The following THSD4 variants were observed in gnomAD, a reference collection of about 807,000 sequenced individuals.
The protein encoded by THSD4 is thrombospondin type 1 domain containing 4.
In THSD4, 69 loss-of-function variants were observed where a neutral mutation model predicts 119.0. That is an observed-to-expected ratio of 0.58 (90% CI 0.48 to 0.71). The LOEUF is 0.71. Ranked by LOEUF, THSD4 falls within the 30% of genes least tolerant of loss-of-function variation. THSD4 has a pLI of 0.00. For missense variants in THSD4, 1,393 were observed against 1,391.1 expected (o/e 1.00, Z -0.02); for synonymous variants, 524 against 540.4 (o/e 0.97, Z 0.42).
intron 7 of THSD4, among the ~76,000 whole-genome samples, chr15:71,521,721 C>G (rs1041539632): frequency 1.3e-5 from 2 of 152,106 alleles, no homozygotes; most frequent in African/African-American, 2.4e-5. Context: ...TTTTTTGACT[C>G]ACCTGGTGGA....
chr15:71,638,584 ATTC>A (rs1336759972), intron 7 of THSD4, among the ~76,000 whole-genome samples: 1 of 152,198 alleles, frequency 6.6e-6, no homozygotes, highest in Non-Finnish European at 1.5e-5. Flanking sequence ...TTAAAACCTA[ATTC>A]TTCTCATAAT....
intron 15 of THSD4, among the ~76,000 whole-genome samples, chr15:71,762,956 A>G (rs947950739): frequency 3.3e-5 from 5 of 152,142 alleles, no homozygotes; most frequent in Admixed American, 2.0e-4. Flanking sequence ...CTGTAGTCCC[A>G]ACTACTTAGG....
At chr15:71,370,949 G>T (rs2046037892) in intron 6 of THSD4, among the ~76,000 whole-genome samples, 1 of 152,224 alleles carries the variant, frequency 6.6e-6, no homozygotes, top group Non-Finnish European at 1.5e-5. Flanking sequence ...CTTGCTTTAT[G>T]AATCTGGTTG....
intron 1 of THSD4, among the ~76,000 whole-genome samples, chr15:71,108,729 C>T (rs751978139): frequency 3.3e-5 from 5 of 152,170 alleles, no homozygotes; most frequent in Admixed American, 6.5e-5. Flanking sequence ...TGGTAGCTCA[C>T]GCCTGTAATC....
At chr15:71,206,725 T>C (rs2043846715) in intron 3 of THSD4, among the ~76,000 whole-genome samples, 1 of 152,232 alleles carries the variant, frequency 6.6e-6, no homozygotes, top group Non-Finnish European at 1.5e-5. Context: ...CTGGTGGCGA[T>C]GAGAAATTTC....
intron 7 of THSD4, among the ~76,000 whole-genome samples, chr15:71,608,067 C>G (rs1437600814): frequency 1.3e-5 from 2 of 151,622 alleles, no homozygotes; most frequent in Non-Finnish European, 2.9e-5. Flanking sequence ...ACTAAAAATA[C>G]AAAAAATTAG....
intron 1 of THSD4, among the ~76,000 whole-genome samples, chr15:71,125,187 A>G (rs1044850475): frequency 6.6e-6 from 1 of 152,210 alleles, no homozygotes; most frequent in African/African-American, 2.4e-5. Flanking sequence ...AAAAAATTTT[A>G]TACCCTACAC....
chr15:71,339,839 A>C (rs941100069), intron 6 of THSD4, among the ~76,000 whole-genome samples: 2 of 151,890 alleles, frequency 1.3e-5, no homozygotes, highest in Non-Finnish European at 2.9e-5. Flanking sequence ...ATCTCCGCTC[A>C]CTGCAACCTC....
intron 5 of THSD4, among the ~76,000 whole-genome samples, chr15:71,249,940 A>T (rs2044243411): frequency 6.6e-6 from 1 of 152,126 alleles, no homozygotes; most frequent in African/African-American, 2.4e-5. Flanking sequence ...ATTTTCACTT[A>T]TATTTTTGGC....
chr15:71,762,491 C>T (rs7402101), intron 15 of THSD4, among the ~76,000 whole-genome samples: 38,171 of 152,158 alleles, frequency 0.25, 11,749 homozygotes, highest in African/African-American at 0.73. Flanking sequence ...GAAAGTGCAA[C>T]GTCTTAGCCA....
At chr15:71,459,420 C>CTCTCTG (rs2047396043) in intron 7 of THSD4, among the ~76,000 whole-genome samples, 2 of 150,724 alleles carry the variant, frequency 1.3e-5, no homozygotes, top group Non-Finnish European at 3.0e-5. Flanking sequence ...CTCTCTCTCT[C>CTCTCTG]TCTCGTCAAC....
intron 7 of THSD4, among the ~76,000 whole-genome samples, chr15:71,452,906 C>T (rs969187041): frequency 5.9e-5 from 9 of 152,178 alleles, no homozygotes; most frequent in African/African-American, 9.6e-5. Context: ...TGAGCCACTG[C>T]ACCTGGCCAG....
At chr15:71,741,239 G>A (rs918735913) in intron 11 of THSD4, among the ~76,000 whole-genome samples, 1 of 151,988 alleles carries the variant, frequency 6.6e-6, no homozygotes, top group African/African-American at 2.4e-5. Context: ...ACCTGTAATC[G>A]AAGCATTTTG....
At chr15:71,509,805 A>G (rs768528039) in intron 7 of THSD4, among the ~76,000 whole-genome samples, 13 of 152,216 alleles carry the variant, frequency 8.5e-5, no homozygotes, top group Non-Finnish European at 1.9e-4. Flanking sequence ...AAAGTTTGCC[A>G]TCTGTTACCT....
chr15:71,764,011 G>T (rs1005918311), intron 15 of THSD4, among the ~76,000 whole-genome samples: 1 of 152,052 alleles, frequency 6.6e-6, no homozygotes, highest in Non-Finnish European at 1.5e-5. Context: ...AGGTTGCAGT[G>T]AGCCAAGATC....
Position 71,541,505 on chromosome 15 carries a change from A to G in THSD4, c.1153-119025A>G, listed in dbSNP as rs371866852. Among the ~76,000 whole-genome samples the G allele has an allele frequency of 1.8e-3, 269 of 152,368 alleles. 17 individuals are homozygous for G. In the South Asian group the frequency reaches 0.054, roughly 31 times the overall value. ...CAGTGTGTTCTTCCACAGATAGCACATAGACAAGCAATTATAAACATGCAT... is the reference window on the plus strand; with the variant it reads ...CAGTGTGTTCTTCCACAGATAGCACGTAGACAAGCAATTATAAACATGCAT... On this transcript the variant is annotated intron_variant, in intron 7 of 17. Coordinates refer to ENST00000261862, the MANE Select transcript of THSD4 (RefSeq NM_024817.3).
chr15:71,315,325 T>C (rs1215654849), intron 6 of THSD4, among the ~76,000 whole-genome samples: 1 of 152,270 alleles, frequency 6.6e-6, no homozygotes, highest in African/African-American at 2.4e-5. Flanking sequence ...CCTGGACTTT[T>C]AATTGTCCAC....
At chr15:71,512,728 T>A (rs111320713) in intron 7 of THSD4, among the ~76,000 whole-genome samples, 3,741 of 151,294 alleles carry the variant, frequency 0.025, 71 homozygotes, top group Non-Finnish European at 0.037. Context: ...ATACTAGAAT[T>A]CTTTTCCTTT....
chr15:71,215,281 C>T lies in THSD4; in HGVS notation c.346C>T (p.Arg116Trp), dbSNP rs1163419529. ...SAVRTSVPLH[R>W]SRDETPALAG... ...GGTGCGCACGTCGGTGCCACTGCAC[C>T]GGAGCCGCGACGAGACGCCAGCGCT... is the stretch of plus-strand genomic sequence containing the variant. Residue 116 changes from arginine to tryptophan, a missense_variant, in exon 4 of 18, where the codon CGG becomes TGG. Arg to Trp is a moderately radical substitution (Grantham distance 101). Transcript: ENST00000261862. The T allele has an allele frequency of 2.0e-6, 3 of 1,520,876 alleles. No homozygotes were observed. Among genetic ancestry groups the T allele is most frequent in the South Asian group, 1.2e-5 (1 of 83,286 alleles). 94.2% of individuals were successfully genotyped at this position (1,520,876 alleles called of 1,614,324 possible).
Sources: gnomAD v4.1 joint callset for allele counts (sites outside exome capture counted in the v4.1 genomes callset) on GRCh38, gnomAD v4.1.1 for gene constraint, MANE v1.5 for transcripts, NCBI Gene and HGNC (gene_info 2026-07-23, HGNC 2026-07-21) for gene names.